The following CATIP variants were observed in gnomAD, a reference collection of about 807,000 sequenced individuals.
The protein encoded by CATIP is ciliogenesis associated TTC17 interacting protein.
In CATIP, 40 loss-of-function variants were observed where a neutral mutation model predicts 42.5. That is an observed-to-expected ratio of 0.94 (90% CI 0.73 to 1.22). CATIP has a LOEUF of 1.22. Ranked by LOEUF, CATIP falls within the 50% of genes most tolerant of loss-of-function variation. CATIP has a pLI of 0.00. For synonymous variants in CATIP, 222 were observed against 200.2 expected (o/e 1.11, Z -0.92); for missense variants, 489 against 496.0 (o/e 0.99, Z 0.13).
At chr2:218,367,144 G>C (rs751978373) in intron 8 of CATIP, 44 bp downstream of exon 8, 2 of 1,502,472 alleles carry the variant, frequency 1.3e-6, no homozygotes, top group Admixed American at 3.4e-5. Flanking sequence ...GAGTTAAGGG[G>C]AGTGGGGAAA....
intron 6 of CATIP, among the ~76,000 whole-genome samples, chr2:218,363,977 T>C (rs1016796599): frequency 6.6e-6 from 1 of 152,210 alleles, no homozygotes; most frequent in Non-Finnish European, 1.5e-5. Flanking sequence ...TAGGACTTCC[T>C]GCAATCAGTG....
chr2:218,363,136 A>T (rs1307486922), intron 6 of CATIP, among the ~76,000 whole-genome samples: 1 of 152,176 alleles, frequency 6.6e-6, no homozygotes, highest in Non-Finnish European at 1.5e-5. Flanking sequence ...ACCCTTCCGC[A>T]CAGAAGTCAG....
At chr2:218,357,449 G>C (rs1294799390) in intron 2 of CATIP, 85 bp from the exon 3 acceptor site, 4 of 1,157,916 alleles carry the variant, frequency 3.5e-6, no homozygotes, top group African/African-American at 1.5e-5. Flanking sequence ...GGGACTGTGG[G>C]GACACTGGTG....
At chr2:218,357,256 C>A in intron 2 of CATIP, 69 bp downstream of exon 2, 4 of 628,092 alleles carry the variant, frequency 6.4e-6, no homozygotes, top group South Asian at 2.1e-5. Flanking sequence ...GGAAGAAAGT[C>A]CAGTCTCTCT....
At chr2:218,358,348 C>A (rs1182404889) in intron 4 of CATIP, among the ~76,000 whole-genome samples, 2 of 152,036 alleles carry the variant, frequency 1.3e-5, no homozygotes, top group Non-Finnish European at 2.9e-5. Context: ...GTGGGCGGAT[C>A]ACCCTGAGGT....
intron 5 of CATIP, among the ~76,000 whole-genome samples, chr2:218,361,424 G>A (rs758585122): frequency 3.9e-5 from 6 of 151,934 alleles, no homozygotes; most frequent in East Asian, 1.9e-4. Flanking sequence ...AGGACAACTC[G>A]AGGCAGGGAG....
In CATIP at chr2:218,367,010, G is replaced by A; in HGVS notation, c.756-14G>A. On this transcript the variant is annotated splice_polypyrimidine_tract_variant and intron_variant, in intron 7 of 9. Coordinates refer to ENST00000289388, the MANE Select transcript of CATIP (RefSeq NM_198559.2). ...GGGAAGATTCTCACTCTCACATGTT[G>A]TGTTGCACTCCAGGCACCTGGCCAA... is the stretch of plus-strand genomic sequence containing the variant. 1 of 1,607,864 alleles carries A rather than the reference G, an allele frequency of 6.2e-7. No individual in the cohort carries two copies. Among genetic ancestry groups the A allele is most frequent in the Non-Finnish European group, 8.5e-7 (1 of 1,174,330 alleles).
At position 218,367,736 on chromosome 2, in the gene CATIP, C is replaced by G. The variant is rs746533136; in HGVS notation, c.936C>G (p.Leu312=). The G allele has an allele frequency of 5.0e-6, 8 of 1,600,720 alleles. No homozygotes were observed. Among genetic ancestry groups the G allele is most frequent in the African/African-American group, 1.3e-5 (1 of 74,660 alleles). ...TCCCCTGCCAGGAGGAGCTCCGGCT[C>G]GGCCACGCCAGCTATCTGCGGCAGC... The part of the protein sequence containing the change: ...KFLDRKEELR[L]GHASYLRQHP... Residue 312 remains leucine (L), a synonymous_variant, in exon 10 of 10, where the codon CTC becomes CTG. Coordinates refer to ENST00000289388, the MANE Select transcript of CATIP (RefSeq NM_198559.2).
chr2:218,364,896 C>T (rs1423574383), intron 7 of CATIP, 144 bp downstream of exon 7: 3 of 961,200 alleles, frequency 3.1e-6, no homozygotes, highest in Non-Finnish European at 4.5e-6. Context: ...TTCACTCTTT[C>T]TTCATTTATT....
At chr2:218,360,531 C>T in intron 4 of CATIP, 42 bp from the exon 5 acceptor site, 1 of 1,487,238 alleles carries the variant, frequency 6.7e-7, no homozygotes, top group Non-Finnish European at 9.4e-7. Flanking sequence ...TCTGGGGGAC[C>T]CAGGGAGTCC....
Position 218,357,104 on chromosome 2 carries a change from C to A in CATIP, c.35C>A (p.Ala12Asp). Residue 12 changes from alanine (A) to aspartate (D), a missense_variant, in exon 2 of 10, where the codon GCT (alanine) becomes GAT (aspartate). Ala to Asp is a moderately radical substitution (Grantham distance 126, BLOSUM62 -2). Transcript: ENST00000289388. The stretch of plus-strand genomic sequence containing the variant: ...TCTCATCCCTCTGTAGGCTCCAGAG[C>A]TAAGGACCACCAGCCCTCGGGTCCG... ...SSKVYSTGSR[A>D]KDHQPSGPEC... 2.5e-6 allele frequency: 4 copies of A among 1,613,424 alleles called. No homozygotes were observed. The highest frequency in any genetic ancestry group is 3.4e-6 in the Non-Finnish European group (4 of 1,179,578).
At chr2:218,360,360 C>T (rs1490420269) in intron 4 of CATIP, among the ~76,000 whole-genome samples, 1 of 151,994 alleles carries the variant, frequency 6.6e-6, no homozygotes, top group East Asian at 1.9e-4. Context: ...CCGTGTTAGC[C>T]AGGGTGGTCT....
chr2:218,364,735 C>T lies in CATIP; in HGVS notation c.738C>T (p.Tyr246=). 6.2e-7 allele frequency: 1 copy of T among 1,613,538 alleles called. No homozygotes were observed. Among genetic ancestry groups the T allele is most frequent in the African/African-American group, 1.3e-5 (1 of 75,036 alleles). The change falls in exon 7 of 10, where the codon TAC becomes TAT. Residue 246 remains tyrosine, a synonymous_variant. Transcript: ENST00000289388. ...AEEGIPMSCQ[Y]YLLSDGHLAK... ...AGGGCATCCCCATGTCCTGCCAGTA[C>T]TACCTGCTCTCCGATGGGTGAGCTG...
Position 218,367,698 on chromosome 2 carries a change from G to A in CATIP, c.922-24G>A, listed in dbSNP as rs559954651. 4.0e-5 allele frequency: 63 copies of A among 1,582,518 alleles called. 1 individual carries two copies. The highest frequency in any genetic ancestry group is 2.6e-6 in the Non-Finnish European group (3 of 1,167,990). ...GGGCGCGGGGGTCCCGTCCGGCTGAGGCTCGGGCTCTGTCCCCTGCCAGGA... is the reference window on the plus strand; with the variant it reads ...GGGCGCGGGGGTCCCGTCCGGCTGAAGCTCGGGCTCTGTCCCCTGCCAGGA... On this transcript the variant is annotated intron_variant, in intron 9 of 9. Coordinates refer to ENST00000289388, the MANE Select transcript of CATIP (RefSeq NM_198559.2).
At position 218,364,677 on chromosome 2, in the gene CATIP, TCTTCATCGTGGAGCAGA is replaced by T. The variant is rs775580294; in HGVS notation, c.683_699del (p.Phe228CysfsTer46). 2 of 1,614,018 alleles carry T rather than the reference TCTTCATCGTGGAGCAGA, an allele frequency of 1.2e-6. No homozygotes were observed. The highest frequency in any genetic ancestry group is 1.7e-6 in the Non-Finnish European group (2 of 1,179,950). Reference sequence around the variant, plus strand: ...CAGGTAGACCATCAGCAGGCTGAAGTCTTCATCGTGGAGCAGACTGTCCACGCGGAGGAGGGCATCCC... The same window carrying T: ...CAGGTAGACCATCAGCAGGCTGAAGTCTGTCCACGCGGAGGAGGGCATCCC... On this transcript the variant is annotated frameshift_variant, in exon 7 of 10. Coordinates refer to ENST00000289388, the MANE Select transcript of CATIP (RefSeq NM_198559.2). LOFTEE classifies it high-confidence loss of function.
Position 218,367,059 on chromosome 2 carries a change from G to A in CATIP, c.791G>A (p.Gly264Glu). The A allele has an allele frequency of 1.2e-6, 2 of 1,613,920 alleles. No homozygotes were observed. The highest frequency in any genetic ancestry group is 1.7e-4 in the Middle Eastern group (1 of 6,060). ...LAKRIQVGSPGCCIITKMPIL... is the reference protein window; with the variant it reads ...LAKRIQVGSPECCIITKMPIL... The stretch of plus-strand genomic sequence containing the variant: ...AAGAGAATACAGGTGGGCTCCCCAG[G>A]GTGCTGCATCATCACCAAGATGCCC... Residue 264 changes from glycine (G) to glutamate (E), a missense_variant, in exon 8 of 10, where the codon GGG (glycine) becomes GAG (glutamate). Physicochemically the swap from Gly to Glu is moderately conservative, Grantham distance 98. Coordinates refer to ENST00000289388, the MANE Select transcript of CATIP (RefSeq NM_198559.2).
chr2:218,367,372 G>C, intron 8 of CATIP, 58 bp from the exon 9 acceptor site: 2 of 1,479,860 alleles, frequency 1.4e-6, no homozygotes. Flanking sequence ...GGATCTCGCT[G>C]TGTATCCAAG....
At chr2:218,357,258 A>ACT (rs1184561343) in intron 2 of CATIP, 71 bp downstream of exon 2, 3 of 556,104 alleles carry the variant, frequency 5.4e-6, no homozygotes, top group Non-Finnish European at 8.2e-6. Context: ...AAGAAAGTCC[A>ACT]GTCTCTCTCT....
At chr2:218,357,301 TCCTGGGACTCAGAAAAGG>T in intron 2 of CATIP, 114 bp downstream of exon 2, 1 of 589,472 alleles carries the variant, frequency 1.7e-6, no homozygotes, top group Non-Finnish European at 2.6e-6. Context: ...TCCTTGATTC[TCCTGGGACTCAGAAAAGG>T]CCTGAGGCCT....
Sources: allele counts gnomAD v4.1 joint callset (sites outside exome capture counted in the v4.1 genomes callset), GRCh38; gene constraint gnomAD v4.1.1; transcripts MANE v1.5; gene names NCBI Gene and HGNC (gene_info 2026-07-23, HGNC 2026-07-21).